The following PRKCQ variants were observed in gnomAD, a reference collection of about 807,000 sequenced individuals.
PRKCQ encodes the protein protein kinase C theta, also known as protein kinase C theta type.
PRKCQ carries 41 observed loss-of-function variants against 91.2 expected under a neutral mutation model. The observed-to-expected ratio is 0.45, with a 90% CI of 0.35 to 0.58. The LOEUF (loss-of-function observed/expected upper bound fraction) is 0.58. Among genes scored for constraint, PRKCQ ranks in the 20% least tolerant of loss-of-function variants. PRKCQ has a pLI of 0.00. For synonymous variants in PRKCQ, 307 were observed against 316.9 expected (o/e 0.97, Z 0.33); for missense variants, 673 against 896.5 (o/e 0.75, Z 3.18).
At chr10:6,518,764 G>C (rs1838881907) in intron 1 of PRKCQ, among the ~76,000 whole-genome samples, 1 of 152,230 alleles carries the variant, frequency 6.6e-6, no homozygotes, top group East Asian at 1.9e-4. Flanking sequence ...GTTGCAGAGA[G>C]CCAAGATCAT....
In PRKCQ at chr10:6,486,061, G is replaced by A. The variant is rs766356529; in HGVS notation, c.874C>T (p.Leu292=). Residue 292 remains leucine, a synonymous_variant, in exon 9 of 18, where the codon CTG becomes TTG. Transcript: ENST00000263125. ...GINQKLMAEA[L]AMIESTQQAR... The stretch of plus-strand genomic sequence containing the variant: ...TGTTGAGTGCTCTCAATCATGGCCA[G>A]CGCTTCAGCCATTAGCTTCTGGTTT... The A allele has an allele frequency of 6.2e-7, 1 of 1,614,092 alleles. No individual in the cohort carries two copies. The highest frequency in any genetic ancestry group is 2.2e-5 in the East Asian group (1 of 44,886).
chr10:6,508,701 G>A (rs79785320), intron 3 of PRKCQ, among the ~76,000 whole-genome samples: 291 of 152,316 alleles, frequency 1.9e-3, no homozygotes, highest in African/African-American at 6.6e-3. Flanking sequence ...CTATGGTAAG[G>A]GGCCTGCTTC....
chr10:6,521,589 T>C (rs1357639227), intron 1 of PRKCQ, among the ~76,000 whole-genome samples: 1 of 152,238 alleles, frequency 6.6e-6, no homozygotes, highest in African/African-American at 2.4e-5. Context: ...TTAGTTATTA[T>C]TATTACAACT....
the PRKCQ span, among the ~76,000 whole-genome samples, chr10:6,399,383 T>C: frequency 4.2e-4 from 64 of 152,388 alleles, no homozygotes; most frequent in East Asian, 0.012. Context: ...TAAAGATTCC[T>C]TTGTGCTCCC....
At chr10:6,579,656 T>C (rs1269071077) in intron 1 of PRKCQ, among the ~76,000 whole-genome samples, 2 of 151,034 alleles carry the variant, frequency 1.3e-5, no homozygotes, top group African/African-American at 2.4e-5. Flanking sequence ...TTTCTTTTTT[T>C]TTTTTTTTTG....
chr10:6,515,778 C>T (rs1266609648), intron 1 of PRKCQ, among the ~76,000 whole-genome samples: 1 of 150,506 alleles, frequency 6.6e-6, no homozygotes, highest in Non-Finnish European at 1.5e-5. Flanking sequence ...ATAGGGCTTT[C>T]TCATATAAGG....
chr10:6,557,542 T>C (rs1237542843), intron 1 of PRKCQ, among the ~76,000 whole-genome samples: 1 of 152,208 alleles, frequency 6.6e-6, no homozygotes, highest in Non-Finnish European at 1.5e-5. Flanking sequence ...TATTTTGGAA[T>C]ACATTTTGAC....
the PRKCQ span, among the ~76,000 whole-genome samples, chr10:6,403,988 C>A: frequency 2.6e-5 from 4 of 151,572 alleles, no homozygotes; most frequent in South Asian, 8.3e-4. Flanking sequence ...CATTAGGGTG[C>A]ATATGAGGAA....
intron 1 of PRKCQ, among the ~76,000 whole-genome samples, chr10:6,535,898 G>A (rs1164723907): frequency 1.3e-5 from 2 of 152,192 alleles, no homozygotes; most frequent in African/African-American, 4.8e-5. Flanking sequence ...ATCGATCTAT[G>A]AGGAAATGCC....
intron 15 of PRKCQ, among the ~76,000 whole-genome samples, chr10:6,447,969 G>T (rs1360067406): frequency 6.6e-6 from 1 of 152,224 alleles, no homozygotes; most frequent in South Asian, 2.1e-4. Context: ...GGGCAATGGG[G>T]AACTGAGTGA....
intron 12 of PRKCQ, 141 bp downstream of exon 12, chr10:6,478,851 T>C (rs1588723308): frequency 2.3e-6 from 2 of 872,460 alleles, no homozygotes; most frequent in Non-Finnish European, 3.5e-6. Context: ...GTAGAAGGGA[T>C]GTTTGGATGG....
intron 10 of PRKCQ, among the ~76,000 whole-genome samples, chr10:6,484,189 G>A (rs533885171): frequency 6.4e-4 from 98 of 152,304 alleles, no homozygotes; most frequent in Middle Eastern, 3.4e-3. Flanking sequence ...CGAGGTGGGC[G>A]GATTGCCTGA....
intron 3 of PRKCQ, 82 bp downstream of exon 3, chr10:6,510,913 C>G: frequency 6.5e-7 from 1 of 1,539,152 alleles, no homozygotes; most frequent in Admixed American, 1.7e-5. Context: ...ATCACACCCT[C>G]AGATTGACAT....
At chr10:6,407,006 G>A in the PRKCQ span, among the ~76,000 whole-genome samples, 1 of 152,146 alleles carries the variant, frequency 6.6e-6, no homozygotes, top group Non-Finnish European at 1.5e-5. This position sits in a 1 kb window ranked among gnomAD's most constrained non-coding sequence, Gnocchi z 4.0. Context: ...TTCCTCGGGG[G>A]TAAAGCCCTT....
chr10:6,431,229 T>C (rs1833406027), intron 16 of PRKCQ, among the ~76,000 whole-genome samples: 3 of 152,216 alleles, frequency 2.0e-5, no homozygotes, highest in Admixed American at 1.3e-4. Flanking sequence ...CTGAGTCAGT[T>C]TCCTCACCTG....
At chr10:6,561,028 G>C (rs1257010497) in intron 1 of PRKCQ, among the ~76,000 whole-genome samples, 1 of 120,890 alleles carries the variant, frequency 8.3e-6, no homozygotes, top group South Asian at 3.2e-4. Context: ...GACAGAGGGA[G>C]ACTCCATTTC....
intron 1 of PRKCQ, among the ~76,000 whole-genome samples, 198 bp downstream of exon 1, chr10:6,580,013 C>A (rs1841406724): frequency 6.6e-6 from 1 of 152,192 alleles, no homozygotes; most frequent in South Asian, 2.1e-4. Context: ...CGACCTGCGT[C>A]CCAGAAACCC....
the PRKCQ span, among the ~76,000 whole-genome samples, chr10:6,399,865 C>G: frequency 6.6e-6 from 1 of 152,046 alleles, no homozygotes; most frequent in African/African-American, 2.4e-5. Flanking sequence ...CCCAGCATCT[C>G]CTATGAACCC....
chr10:6,495,716 A>G (rs1837549584), intron 7 of PRKCQ, among the ~76,000 whole-genome samples: 1 of 152,230 alleles, frequency 6.6e-6, no homozygotes, highest in African/African-American at 2.4e-5. Flanking sequence ...GGATTTGTGG[A>G]ATGAAAAAGG....
Sources: gnomAD v4.1 joint callset for allele counts (sites outside exome capture counted in the v4.1 genomes callset) on GRCh38, gnomAD v4.1.1 for gene constraint, Gnocchi (gnomAD v3.1) non-coding constraint, MANE v1.5 for transcripts, NCBI Gene and HGNC (gene_info 2026-07-23, HGNC 2026-07-21) for gene names.